The following E2F6 variants were observed in gnomAD, a reference collection of about 807,000 sequenced individuals.
E2F6 encodes transcription factor E2F6.
E2F6 carries 19 observed loss-of-function variants against 31.5 expected under a neutral mutation model. That is an observed-to-expected ratio of 0.60 (90% CI 0.42 to 0.89). E2F6 has a LOEUF of 0.89. Among genes scored for constraint, E2F6 ranks in the 40% least tolerant of loss-of-function variants. The pLI is 0.00. For synonymous variants in E2F6, 121 were observed against 127.7 expected (o/e 0.95, Z 0.36); for missense variants, 269 against 341.6 (o/e 0.79, Z 1.67).
At position 11,446,257 on chromosome 2, in the gene E2F6, C is replaced by T; in HGVS notation, c.*220G>A. Reference sequence around the variant, plus strand: ...AGATGTCTATTTCACTGACAAAAAGCAGTGAATAATTATAAAAGGAGTTGT... The same window carrying T: ...AGATGTCTATTTCACTGACAAAAAGTAGTGAATAATTATAAAAGGAGTTGT... On this transcript the variant is annotated 3_prime_UTR_variant, in exon 7 of 7. Coordinates refer to ENST00000381525, the MANE Select transcript of E2F6 (RefSeq NM_198256.4). 2.0e-6 allele frequency: 1 copy of T among 504,026 alleles called. No individual in the cohort carries two copies. Among genetic ancestry groups the T allele is most frequent in the African/African-American group, 2.0e-5 (1 of 50,320 alleles). 31.2% of individuals were successfully genotyped at this position (504,026 alleles called of 1,614,324 possible).
At chr2:11,446,852 G>C (rs1670749461) in intron 6 of E2F6, among the ~76,000 whole-genome samples, 1 of 152,164 alleles carries the variant, frequency 6.6e-6, no homozygotes, top group South Asian at 2.1e-4. Context: ...TCTGCATGTG[G>C]GCAACAGCCC....
intron 2 of E2F6, among the ~76,000 whole-genome samples, chr2:11,455,912 G>A (rs1260702852): frequency 6.6e-6 from 1 of 152,186 alleles, no homozygotes; most frequent in Non-Finnish European, 1.5e-5. Context: ...GAACAGGAAG[G>A]CGAATGGGCG....
chr2:11,454,161 T>C (rs774331356), intron 2 of E2F6, among the ~76,000 whole-genome samples: 22 of 152,194 alleles, frequency 1.4e-4, no homozygotes, highest in Non-Finnish European at 3.1e-4. Context: ...TAAAATTAAA[T>C]TTCTCATTTG....
chr2:11,451,720 G>C lies in E2F6; in HGVS notation c.467C>G (p.Ala156Gly), dbSNP rs764936167. ...ACAATCCTTAATTAACTCATCCAAA[G>C]CATCTTCCATTGCTGATAAGTCAGA... ...ELSDLSAMED[A>G]LDELIKDCAQ... The change falls in exon 4 of 7, where the codon GCT becomes GGT. Residue 156 changes from alanine to glycine, a missense_variant. Coordinates refer to ENST00000381525, the MANE Select transcript of E2F6 (RefSeq NM_198256.4). 2.5e-6 allele frequency: 4 copies of C among 1,610,506 alleles called. No homozygotes were observed. Among genetic ancestry groups the C allele is most frequent in the Non-Finnish European group, 3.4e-6 (4 of 1,177,908 alleles).
intron 1 of E2F6, among the ~76,000 whole-genome samples, chr2:11,464,665 T>C (rs371370325): frequency 6.6e-4 from 100 of 152,238 alleles, no homozygotes; most frequent in African/African-American, 2.1e-3. Flanking sequence ...CATCTGGAGT[T>C]AGACATTTGG....
rs879444659 is a variant in E2F6 at position 11,445,020 on chromosome 2, C to T, written c.*1457G>A. 2 of 152,220 alleles carry T rather than the reference C, an allele frequency of 1.3e-5. No homozygotes were observed. Among genetic ancestry groups the T allele is most frequent in the Non-Finnish European group, 2.9e-5 (2 of 68,070 alleles). The allele number at this position is 152,220 out of a possible 1,614,324, so 9.4% of individuals were successfully genotyped here. On this transcript the variant is annotated 3_prime_UTR_variant, in exon 7 of 7. Transcript: ENST00000381525. ...CATCCCCAGGTGCACAGAAACACAC[C>T]GGCAGGACTGCTGCAGGAAGGGCTG...
chr2:11,449,683 T>C (rs540264290), intron 5 of E2F6, among the ~76,000 whole-genome samples: 2 of 152,230 alleles, frequency 1.3e-5, no homozygotes, highest in Non-Finnish European at 2.9e-5. Context: ...AACTTTAAGA[T>C]GGGCCAATTC....
chr2:11,465,178 C>CAAAAAAAAAAAAAAAAAAAAAAAAAAAAA (rs59561027), intron 1 of E2F6, among the ~76,000 whole-genome samples: 1 of 88,604 alleles, frequency 1.1e-5, no homozygotes, highest in Non-Finnish European at 2.1e-5. Flanking sequence ...AACTCAATCT[C>CAAAAAAAAAAAAAAAAAAAAAAAAAAAAA]AAAAAAAAAA....
chr2:11,463,701 C>T (rs559097176), intron 1 of E2F6, among the ~76,000 whole-genome samples: 2 of 152,258 alleles, frequency 1.3e-5, no homozygotes, highest in South Asian at 2.1e-4. Flanking sequence ...CCTGTAATCC[C>T]AGCACTTTGG....
intron 4 of E2F6, chr2:11,451,339 T>C (rs1267846679): frequency 6.2e-6 from 1 of 162,322 alleles, no homozygotes; most frequent in Non-Finnish European, 1.2e-5. Flanking sequence ...ACTACCAACT[T>C]TTACCTAACT....
chr2:11,455,303 C>T (rs1671337072), intron 2 of E2F6: 1 of 1,089,038 alleles, frequency 9.2e-7, no homozygotes, highest in African/African-American at 1.7e-5. Flanking sequence ...TTCCACAGCA[C>T]ACCACAGTCA....
chr2:11,465,411 A>C (rs1212506963), intron 1 of E2F6, among the ~76,000 whole-genome samples: 4 of 152,130 alleles, frequency 2.6e-5, no homozygotes, highest in Non-Finnish European at 5.9e-5. Flanking sequence ...CAAGGTTTTA[A>C]ACGGCTGCAG....
intron 5 of E2F6, 121 bp downstream of exon 5, chr2:11,449,891 A>G (rs1413861077): frequency 1.1e-5 from 7 of 610,740 alleles, no homozygotes; most frequent in African/African-American, 1.1e-4. Flanking sequence ...TGCCTTGAGC[A>G]GTATCGGATG....
rs1317436948 is a variant in E2F6 at position 11,465,764 on chromosome 2, G to A, written c.108+8C>T. 2.5e-6 allele frequency: 4 copies of A among 1,584,346 alleles called. No homozygotes were observed. In the South Asian group the frequency reaches 4.6e-5, roughly 18 times the overall value. Reference sequence around the variant, plus strand: ...CACCGCCCGTCCCCGTCCCGTCCCGGAGCTTACCAGCAGGCCCTCCACGTT... The same window carrying A: ...CACCGCCCGTCCCCGTCCCGTCCCGAAGCTTACCAGCAGGCCCTCCACGTT... On this transcript the variant is annotated splice_region_variant and intron_variant, in intron 1 of 6. Coordinates refer to ENST00000381525, the MANE Select transcript of E2F6 (RefSeq NM_198256.4).
At chr2:11,458,440 A>T in intron 1 of E2F6, 1 of 1,419,260 alleles carries the variant, frequency 7.0e-7, no homozygotes, top group South Asian at 1.2e-5. Flanking sequence ...GTTTCTGGGA[A>T]CCCACTGAAG....
intron 1 of E2F6, among the ~76,000 whole-genome samples, chr2:11,465,373 C>T (rs1672096761): frequency 6.6e-6 from 1 of 152,114 alleles, no homozygotes; most frequent in African/African-American, 2.4e-5. Context: ...TGAATGGGAG[C>T]TGTGGCGTGG....
In E2F6 at chr2:11,457,245, GAT is replaced by G; in HGVS notation, c.109-14_109-13del. 6.7e-7 allele frequency: 1 copy of G among 1,492,118 alleles called. No homozygotes were observed. The allele number at this position is 1,492,118 out of a possible 1,614,324, so 92.4% of individuals were successfully genotyped here. ...CTTATTTTTGATGGCTGAAAAAAAA[GAT>G]AAAAAATTTAACTTAGTGATTTTAA... On this transcript the variant is annotated splice_polypyrimidine_tract_variant and intron_variant, in intron 1 of 6. Coordinates refer to ENST00000381525, the MANE Select transcript of E2F6 (RefSeq NM_198256.4).
chr2:11,455,796 G>A (rs888038926), intron 2 of E2F6, among the ~76,000 whole-genome samples: 7 of 152,186 alleles, frequency 4.6e-5, no homozygotes. Context: ...ATGTCCTGAG[G>A]TAAGTGCTAA....
At chr2:11,456,439 T>C (rs975454947) in intron 2 of E2F6, among the ~76,000 whole-genome samples, 6 of 152,196 alleles carry the variant, frequency 3.9e-5, no homozygotes, top group African/African-American at 1.4e-4. Flanking sequence ...GTAAAGACTC[T>C]GGGCTCTTGC....
Sources: gnomAD v4.1 joint callset for allele counts (sites outside exome capture counted in the v4.1 genomes callset) on GRCh38, gnomAD v4.1.1 for gene constraint, MANE v1.5 for transcripts, NCBI Gene and HGNC (gene_info 2026-07-23, HGNC 2026-07-21) for gene names.